Variants in ADGRG1 observed in about 807,000 individuals in gnomAD.
ADGRG1 encodes the protein adhesion G protein-coupled receptor G1.
In ADGRG1, 53 loss-of-function variants were observed where a neutral mutation model predicts 73.5. That is an observed-to-expected ratio of 0.72 (90% CI 0.58 to 0.91). The LOEUF (loss-of-function observed/expected upper bound fraction) is 0.91, where lower values mean the gene tolerates loss of function less well. Among genes scored for constraint, ADGRG1 ranks in the 40% least tolerant of loss-of-function variants. The probability of loss-of-function intolerance (pLI) is 0.00; values close to 1 mark genes in which losing one functional copy is unlikely to be tolerated. For missense variants in ADGRG1, 795 were observed against 871.8 expected, an observed-to-expected ratio of 0.91 and a Z score of 1.11; for synonymous variants, 394 against 374.4, an observed-to-expected ratio of 1.05 and a Z score of -0.60.
chr16:57,629,045 AGT>A lies in ADGRG1; in HGVS notation c.-36+251_-36+252del, dbSNP rs5817103. 3,039 of 479,258 alleles carry A rather than the reference AGT, an allele frequency of 6.3e-3. 132 individuals carry two copies. The African/African-American group carries it at 0.065, about 10-fold the overall frequency. The allele number at this position is 479,258 out of a possible 1,614,324, so 29.7% of individuals were successfully genotyped here. A position where few individuals can be genotyped will look rare whatever the true frequency, so the allele number is the denominator to read the frequency against. On this transcript the variant is annotated intron_variant, in intron 1 of 13. Coordinates refer to ENST00000562631, the MANE Select transcript of ADGRG1 (RefSeq NM_201525.4). ...GCGTTTGAGTGTGAGAGTGTGAGTG[AGT>A]GTGTGTGAGTATGAGTGTGAGTGTG...
intron 13 of ADGRG1, 122 bp downstream of exon 13, chr16:57,662,087 A>T: frequency 1.2e-6 from 1 of 824,002 alleles, no homozygotes; most frequent in Non-Finnish European, 2.1e-6. Flanking sequence ...TCCCATTCAT[A>T]AAATGGGGAC....
intron 10 of ADGRG1, chr16:57,658,946 G>A (rs1226652205): frequency 2.0e-5 from 20 of 984,922 alleles, no homozygotes; most frequent in African/African-American, 7.0e-5. Context: ...GAATCCTGGA[G>A]TGGGGGTGGG....
chr16:57,635,749 G>A (rs555414457), intron 1 of ADGRG1: 34 of 985,372 alleles, frequency 3.5e-5, no homozygotes, highest in African/African-American at 1.7e-4. Context: ...CGTTGCCAGG[G>A]CATGCAGGAC....
chr16:57,634,546 G>A, intron 1 of ADGRG1: 1 of 882,046 alleles, frequency 1.1e-6, no homozygotes, highest in Non-Finnish European at 1.4e-6. Flanking sequence ...ACATTTCACA[G>A]ATGAGGAATC....
intron 1 of ADGRG1, chr16:57,630,455 CAG>C: frequency 1.0e-6 from 1 of 985,690 alleles, no homozygotes; most frequent in South Asian, 4.7e-5. Flanking sequence ...CCTCTCGCCT[CAG>C]GAGCTCAGCT....
chr16:57,640,979 C>A (rs985405848), intron 1 of ADGRG1: 3 of 985,256 alleles, frequency 3.0e-6, no homozygotes, highest in South Asian at 4.7e-5. Flanking sequence ...AACTGAGGTC[C>A]GGCTGTGGTT....
rs1265230974 is a variant in ADGRG1, at chr16:57,642,078, T to G, written c.-35-8175T>G. ...TCAATTCCAAAATTCTAAGAGACTT[T>G]GATTCTCATCTCCTAAAACTCTTGC... On this transcript the variant is annotated intron_variant, in intron 1 of 13. Coordinates refer to ENST00000562631, the MANE Select transcript of ADGRG1 (RefSeq NM_201525.4). 9.1e-6 allele frequency: 9 copies of G among 985,234 alleles called. No homozygotes were observed. In the African/African-American group the frequency reaches 1.4e-4, roughly 15 times the overall value. 61.0% of individuals were successfully genotyped at this position (985,234 alleles called of 1,614,324 possible).
In ADGRG1 at chr16:57,651,400, C is replaced by A. The variant is rs587783658; in HGVS notation, c.265C>A (p.His89Asn). 1.2e-6 allele frequency: 2 copies of A among 1,614,196 alleles called. No individual in the cohort carries two copies. The highest frequency in any genetic ancestry group is 1.7e-6 in the Non-Finnish European group (2 of 1,180,032). The change falls in exon 3 of 14, where the codon CAC becomes AAC. Residue 89 changes from histidine (H) to asparagine (N), a missense_variant. By Grantham distance (68) the His-to-Asn change is moderately conservative. Coordinates refer to ENST00000562631, the MANE Select transcript of ADGRG1 (RefSeq NM_201525.4). Reference protein sequence around the residue: ...RSFPDPRGLYHFCLYWNRHAG... With the variant: ...RSFPDPRGLYNFCLYWNRHAG... ...CTTCCCTGACCCCAGGGGCCTCTAC[C>A]ACTTCTGCCTCTACTGGAACCGACA...
chr16:57,643,977 C>T (rs2041547183), intron 1 of ADGRG1: 1 of 984,616 alleles, frequency 1.0e-6, no homozygotes, highest in Non-Finnish European at 1.2e-6. Flanking sequence ...CTGTTGGGTA[C>T]ATGCTATTTC....
At chr16:57,625,004 G>A (rs897708984), upstream of ADGRG1, among the ~76,000 whole-genome samples, 3 of 152,104 alleles carry the variant, frequency 2.0e-5, no homozygotes, top group African/African-American at 7.2e-5. Flanking sequence ...CCAGCTGGCC[G>A]GCTGGGAGTA....
chr16:57,657,784 C>T (rs1452928274), intron 10 of ADGRG1, among the ~76,000 whole-genome samples: 1 of 152,042 alleles, frequency 6.6e-6, no homozygotes, highest in Non-Finnish European at 1.5e-5. Context: ...CTCTGTCGCC[C>T]AGGCTGGAGT....
intron 1 of ADGRG1, chr16:57,644,271 C>T (rs1346674684): frequency 1.2e-6 from 1 of 825,222 alleles, no homozygotes; most frequent in Non-Finnish European, 1.5e-6. Flanking sequence ...TGCACGGGCA[C>T]ACACACTCAT....
At chr16:57,636,424 T>C in intron 1 of ADGRG1, 1 of 985,282 alleles carries the variant, frequency 1.0e-6, no homozygotes, top group Non-Finnish European at 1.2e-6. Flanking sequence ...TTGCCTTGTG[T>C]TTCAGATCCT....
chr16:57,636,760 C>T (rs1221052189), intron 1 of ADGRG1: 1 of 921,284 alleles, frequency 1.1e-6, no homozygotes, highest in African/African-American at 1.8e-5. Flanking sequence ...CTTCTATGGA[C>T]CAGGCACTGT....
Position 57,659,699 on chromosome 16 carries a change from G to C in ADGRG1, c.1555+18G>C, listed in dbSNP as rs1166125719. 1.2e-6 allele frequency: 2 copies of C among 1,613,116 alleles called. No homozygotes were observed. The highest frequency in any genetic ancestry group is 4.5e-5 in the East Asian group (2 of 44,864). On this transcript the variant is annotated intron_variant, in intron 11 of 13. Transcript: ENST00000562631. The stretch of plus-strand genomic sequence containing the variant: ...GGGCTGGGGTAAGTGGTTGGGCGGG[G>C]GGTGCCTCAGACCTGCCTCTCCCAC...
At chr16:57,663,261 C>T (rs1489639492) in intron 13 of ADGRG1, 191 bp from the exon 14 acceptor site, 2 of 917,470 alleles carry the variant, frequency 2.2e-6, no homozygotes, top group Non-Finnish European at 2.6e-6. Context: ...CAGTGAGAGG[C>T]CACACGGGGA....
In ADGRG1 at chr16:57,653,176, G is replaced by T. The variant is rs776104431; in HGVS notation, c.488-27G>T. 6 of 1,603,570 alleles carry T rather than the reference G, an allele frequency of 3.7e-6. No homozygotes were observed. In the African/African-American group the frequency reaches 6.7e-5, roughly 18 times the overall value. On this transcript the variant is annotated intron_variant, in intron 3 of 13. Transcript: ENST00000562631. ...CCTGGGACCTGAATCGGCAGCCTCG[G>T]CGGGGGCCTGTCCACCCCTCCCCCA... is the stretch of plus-strand genomic sequence containing the variant.
rs1165873405 is a variant in ADGRG1, at chr16:57,659,682, G to GT, written c.1555+2dup. 10 of 1,613,482 alleles carry GT rather than the reference G, an allele frequency of 6.2e-6. No homozygotes were observed. Among genetic ancestry groups the GT allele is most frequent in the Non-Finnish European group, 8.5e-6 (10 of 1,179,906 alleles). On this transcript the variant is annotated splice_donor_variant, in intron 11 of 13. Transcript: ENST00000562631. LOFTEE classifies it high-confidence loss of function. ...CTCAAGCTGAGCGCCATGGGCTGGG[G>GT]TAAGTGGTTGGGCGGGGGGTGCCTC...
intron 6 of ADGRG1, 87 bp downstream of exon 6, chr16:57,655,617 C>T (rs747979786): frequency 7.4e-5 from 119 of 1,601,112 alleles, no homozygotes; most frequent in Non-Finnish European, 9.4e-5. Flanking sequence ...TGAGCTCCTT[C>T]CTCTGGGAGT....
Sources: allele counts gnomAD v4.1 joint callset (sites outside exome capture counted in the v4.1 genomes callset), GRCh38; gene constraint gnomAD v4.1.1; transcripts MANE v1.5; gene names NCBI Gene and HGNC (gene_info 2026-07-23, HGNC 2026-07-21).